Variants in FILIP1L observed in about 807,000 individuals in gnomAD.
The protein encoded by FILIP1L is filamin A-interacting protein 1-like.
In FILIP1L, 55 loss-of-function variants were observed where a neutral mutation model predicts 96.6. That is an observed-to-expected ratio of 0.57 (90% CI 0.46 to 0.71). The LOEUF (loss-of-function observed/expected upper bound fraction) is 0.71. Ranked by LOEUF, FILIP1L falls within the 30% of genes least tolerant of loss-of-function variation. The probability of loss-of-function intolerance (pLI) is 0.00; values close to 1 mark genes in which losing one functional copy is unlikely to be tolerated. For synonymous variants in FILIP1L, 467 were observed against 473.9 expected (o/e 0.99, Z 0.19); for missense variants, 1,304 against 1,321.2 (o/e 0.99, Z 0.20).
chr3:100,093,517 G>C (rs1212492000), intron 1 of FILIP1L, among the ~76,000 whole-genome samples: 1 of 151,932 alleles, frequency 6.6e-6, no homozygotes, highest in African/African-American at 2.4e-5. Context: ...TGATTCACAT[G>C]CATTTGTACG....
At chr3:100,085,077 G>T (rs936553848) in intron 1 of FILIP1L, among the ~76,000 whole-genome samples, 1 of 152,102 alleles carries the variant, frequency 6.6e-6, no homozygotes, top group Non-Finnish European at 1.5e-5. Flanking sequence ...AAACTAAGCC[G>T]TATCCCCTAA....
At chr3:99,847,808 A>G (rs910343804) in intron 5 of FILIP1L, 5 of 289,328 alleles carry the variant, frequency 1.7e-5, no homozygotes, top group Non-Finnish European at 2.1e-5. Context: ...CATAAATGGG[A>G]CATAGGTCCT....
At chr3:100,069,097 T>C (rs2107366944) in intron 1 of FILIP1L, among the ~76,000 whole-genome samples, 1 of 152,332 alleles carries the variant, frequency 6.6e-6, no homozygotes, top group Middle Eastern at 3.4e-3. Flanking sequence ...GTCTGGTGCC[T>C]CAAACTAGTT....
intron 5 of FILIP1L, among the ~76,000 whole-genome samples, chr3:99,841,540 A>C (rs1332484404): frequency 6.6e-6 from 1 of 152,240 alleles, no homozygotes; most frequent in Non-Finnish European, 1.5e-5. Flanking sequence ...CAAAAGCCTC[A>C]GGAATGGCTG....
In FILIP1L at chr3:99,983,428, GTATGTATATA is replaced by G. The variant is rs1489553983; in HGVS notation, c.-10-52408_-10-52399del. 4.2e-3 allele frequency among the ~76,000 whole-genome samples: 200 copies of G among 47,116 alleles called. 1 individual carries two copies. Among genetic ancestry groups the G allele is most frequent in the African/African-American group, 9.8e-3 (98 of 9,980 alleles). 30.9% of individuals were successfully genotyped at this position (47,116 alleles called of 152,430 possible). On this transcript the variant is annotated intron_variant, in intron 1 of 5. Coordinates refer to ENST00000477258, the MANE Select transcript of FILIP1L (RefSeq NM_001387850.1). ...TATATATATATATATATGTATGTAT[GTATGTATATA>G]TATGTATGTATATATATATATGTGT...
intron 1 of FILIP1L, among the ~76,000 whole-genome samples, chr3:99,941,315 A>G (rs1315332773): frequency 1.3e-5 from 2 of 152,246 alleles, no homozygotes; most frequent in Non-Finnish European, 2.9e-5. Context: ...AGTAAATACA[A>G]AATACTAGGA....
intron 4 of FILIP1L, among the ~76,000 whole-genome samples, chr3:99,894,789 G>A (rs563811204): frequency 2.4e-4 from 37 of 152,214 alleles, no homozygotes; most frequent in African/African-American, 7.2e-4. Flanking sequence ...TGATTTTGTA[G>A]CACAATAATA....
chr3:100,007,628 AT>A lies in FILIP1L; in HGVS notation c.-10-76599del, dbSNP rs559170994. On this transcript the variant is annotated intron_variant, in intron 1 of 5. Transcript: ENST00000477258. ...CAGAATTGGCCCAGAAAGTGTACAG[AT>A]TTTGCTCTAATTGCATTTCAAGGTC... 2.4e-3 allele frequency among the ~76,000 whole-genome samples: 367 copies of A among 152,290 alleles called. 1 individual carries two copies. The highest frequency in any genetic ancestry group is 8.3e-3 in the African/African-American group (346 of 41,564).
At chr3:99,996,697 G>GA (rs1205235956) in intron 1 of FILIP1L, among the ~76,000 whole-genome samples, 1 of 152,120 alleles carries the variant, frequency 6.6e-6, no homozygotes, top group Admixed American at 6.5e-5. Context: ...GGTGGCAAGA[G>GA]AAAATGAGGA....
At chr3:100,021,958 T>TGAGA (rs1466622023) in intron 1 of FILIP1L, among the ~76,000 whole-genome samples, 1,784 of 94,790 alleles carry the variant, frequency 0.019, 12 homozygotes, top group Non-Finnish European at 0.029. Context: ...TGTGTGTGTG[T>TGAGA]GTGAGAGAGA....
At chr3:100,105,580 C>G (rs1326939791) in intron 1 of FILIP1L, among the ~76,000 whole-genome samples, 1 of 152,142 alleles carries the variant, frequency 6.6e-6, no homozygotes, top group African/African-American at 2.4e-5. Context: ...CTCATATACC[C>G]TTTAAGCAGA....
At chr3:100,006,085 A>G (rs1403986207) in intron 1 of FILIP1L, among the ~76,000 whole-genome samples, 2 of 152,182 alleles carry the variant, frequency 1.3e-5, no homozygotes, top group African/African-American at 4.8e-5. Context: ...TAGACCAGAA[A>G]GCCCTTAGCC....
intron 1 of FILIP1L, among the ~76,000 whole-genome samples, chr3:99,999,253 A>C (rs1709774070): frequency 6.6e-6 from 1 of 152,212 alleles, no homozygotes. Flanking sequence ...TCACTGTAGC[A>C]AGGAGGAAAA....
At chr3:99,835,383 C>A (rs1942855593) in intron 5 of FILIP1L, among the ~76,000 whole-genome samples, 1 of 152,194 alleles carries the variant, frequency 6.6e-6, no homozygotes, top group African/African-American at 2.4e-5. Context: ...TCTTTTAGAT[C>A]ACCTGTAAAG....
chr3:100,008,403 T>C (rs934975244), intron 1 of FILIP1L, among the ~76,000 whole-genome samples: 2 of 152,202 alleles, frequency 1.3e-5, no homozygotes, highest in Admixed American at 6.5e-5. Flanking sequence ...GATTTTCATA[T>C]GAGTTGCAGC....
In FILIP1L at chr3:99,850,750, A is replaced by G; in HGVS notation, c.926T>C (p.Ile309Thr). ...GTCCTCATTGGTGAGCTTCGCCATA[A>G]TTGTGTCTTGGTCTTGGTGAAACTT... ...TTKFHQDQDTIMAKLTNEDSQ... is the reference protein window; with the variant it reads ...TTKFHQDQDTTMAKLTNEDSQ... Residue 309 changes from isoleucine (I) to threonine (T), a missense_variant, in exon 5 of 6, where the codon ATT becomes ACT. Ile to Thr is a moderately conservative substitution (Grantham distance 89). Coordinates refer to ENST00000477258, the MANE Select transcript of FILIP1L (RefSeq NM_001387850.1). 1 of 1,614,044 alleles carries G rather than the reference A, an allele frequency of 6.2e-7. No homozygotes were observed.
At chr3:99,894,603 ATACTT>A (rs1022248677) in intron 4 of FILIP1L, among the ~76,000 whole-genome samples, 1 of 152,236 alleles carries the variant, frequency 6.6e-6, no homozygotes, top group Non-Finnish European at 1.5e-5. Flanking sequence ...AGGAAAGTGA[ATACTT>A]TAATTTTTTA....
intron 1 of FILIP1L, among the ~76,000 whole-genome samples, chr3:100,071,171 A>T (rs1477610340): frequency 1.4e-5 from 2 of 142,406 alleles, no homozygotes; most frequent in African/African-American, 5.4e-5. Flanking sequence ...CCTATTTCAG[A>T]CATATCACTG....
intron 1 of FILIP1L, among the ~76,000 whole-genome samples, chr3:99,974,018 T>C (rs1308494518): frequency 6.6e-6 from 1 of 152,256 alleles, no homozygotes; most frequent in Non-Finnish European, 1.5e-5. Flanking sequence ...AATCTGAGAC[T>C]AAGTACCAAT....
Sources: allele counts gnomAD v4.1 joint callset (sites outside exome capture counted in the v4.1 genomes callset), GRCh38; gene constraint gnomAD v4.1.1; transcripts MANE v1.5; gene names NCBI Gene and HGNC (gene_info 2026-07-23, HGNC 2026-07-21).